Variants in RAPGEF6 observed in about 807,000 individuals in gnomAD.
RAPGEF6 encodes the protein Rap guanine nucleotide exchange factor 6.
In RAPGEF6, 56 loss-of-function variants were observed where a neutral mutation model predicts 171.4. The ratio of observed to expected loss-of-function variants is 0.33; its 90% CI spans 0.26 to 0.41. The LOEUF is 0.41. RAPGEF6 is among the 10% of genes least tolerant of loss of function. The pLI is 1.00. For synonymous variants in RAPGEF6, 692 were observed against 650.1 expected (o/e 1.06, Z -0.98); for missense variants, 1,674 against 1,921.4 (o/e 0.87, Z 2.41).
rs1393761246 is a variant in RAPGEF6 at position 131,427,116 on chromosome 5, G to A, written c.*150C>T. 4 of 748,524 alleles carry A rather than the reference G, an allele frequency of 5.3e-6. No homozygotes were observed. The highest frequency in any genetic ancestry group is 9.4e-6 in the Non-Finnish European group (4 of 427,298). The allele number at this position is 748,524 out of a possible 1,614,324, so 46.4% of individuals were successfully genotyped here. A position where few individuals can be genotyped will look rare whatever the true frequency, so the allele number is the denominator to read the frequency against. On this transcript the variant is annotated 3_prime_UTR_variant, in exon 28 of 28. Coordinates refer to ENST00000509018, the MANE Select transcript of RAPGEF6 (RefSeq NM_016340.6). ...TTAAATGAAAGGAAGCATAACTCAG[G>A]TCTATTTCATTGCTCGGAGTAGAGG...
At chr5:131,613,457 A>ATATG (rs778284291) in intron 1 of RAPGEF6, among the ~76,000 whole-genome samples, 3 of 151,694 alleles carry the variant, frequency 2.0e-5, no homozygotes, top group Non-Finnish European at 4.4e-5. Context: ...ATATATATAT[A>ATATG]TATGTATGTA....
intron 8 of RAPGEF6, among the ~76,000 whole-genome samples, chr5:131,509,662 G>C (rs1019852430): frequency 7.2e-5 from 11 of 152,136 alleles, no homozygotes; most frequent in African/African-American, 2.7e-4. Flanking sequence ...ACTGAACATT[G>C]TACTATGCTT....
intron 1 of RAPGEF6, among the ~76,000 whole-genome samples, chr5:131,607,450 C>G (rs1012754515): frequency 2.0e-5 from 3 of 152,196 alleles, no homozygotes; most frequent in Non-Finnish European, 4.4e-5. Flanking sequence ...TGTGGTGTTA[C>G]TTTCCATTAC....
At chr5:131,616,422 C>T (rs1275031623) in intron 1 of RAPGEF6, among the ~76,000 whole-genome samples, 1 of 152,100 alleles carries the variant, frequency 6.6e-6, no homozygotes, top group African/African-American at 2.4e-5. Context: ...ATTTTTTCCC[C>T]TTCCTTAGTT....
At chr5:131,622,058 C>A (rs1765624567) in intron 1 of RAPGEF6, among the ~76,000 whole-genome samples, 2 of 152,132 alleles carry the variant, frequency 1.3e-5, no homozygotes, top group South Asian at 4.1e-4. Flanking sequence ...ATTTACCGCA[C>A]AAATGTTCAT....
chr5:131,627,878 A>G (rs1766038952), intron 1 of RAPGEF6, among the ~76,000 whole-genome samples: 1 of 152,176 alleles, frequency 6.6e-6, no homozygotes, highest in Admixed American at 6.5e-5. Flanking sequence ...TATATTTGCT[A>G]TGGTGGCCTG....
intron 5 of RAPGEF6, among the ~76,000 whole-genome samples, chr5:131,552,590 AGCTGG>A (rs1269472352): frequency 6.6e-6 from 1 of 151,590 alleles, no homozygotes; most frequent in Non-Finnish European, 1.5e-5. Context: ...CCTCCCAAGT[AGCTGG>A]GATTACAGGC....
chr5:131,520,360 A>T (rs1381187466), intron 7 of RAPGEF6, among the ~76,000 whole-genome samples: 1 of 152,240 alleles, frequency 6.6e-6, no homozygotes, highest in African/African-American at 2.4e-5. Context: ...AATATGCAAA[A>T]GTAATGTAAG....
chr5:131,436,607 C>T (rs2149809214), intron 24 of RAPGEF6, among the ~76,000 whole-genome samples: 1 of 139,484 alleles, frequency 7.2e-6, no homozygotes, highest in East Asian at 2.2e-4. Flanking sequence ...TCAGCACAAG[C>T]TGGTGATAAA....
chr5:131,556,469 T>C (rs777381647), intron 5 of RAPGEF6, among the ~76,000 whole-genome samples: 1 of 152,138 alleles, frequency 6.6e-6, no homozygotes, highest in Non-Finnish European at 1.5e-5. Flanking sequence ...AACTGGCTCC[T>C]AGTAACACCA....
chr5:131,590,381 C>T lies in RAPGEF6; in HGVS notation c.281+2002G>A, dbSNP rs546727793. On this transcript the variant is annotated intron_variant, in intron 4 of 27. Transcript: ENST00000509018. ...CACTGCCCTCCAGCCTGGGCAACAG[C>T]GACTCTGTCTCAAATTTAAAAAATC... 4.9e-4 allele frequency among the ~76,000 whole-genome samples: 75 copies of T among 152,040 alleles called. 1 individual carries two copies. The highest frequency in any genetic ancestry group is 1.8e-4 in the Non-Finnish European group (12 of 68,014).
At chr5:131,618,054 A>G (rs773573173) in intron 1 of RAPGEF6, among the ~76,000 whole-genome samples, 2 of 152,232 alleles carry the variant, frequency 1.3e-5, no homozygotes, top group Non-Finnish European at 2.9e-5. Context: ...GGCTGACTTC[A>G]GTACTAGAGC....
intron 3 of RAPGEF6, among the ~76,000 whole-genome samples, chr5:131,592,982 T>A (rs1338151587): frequency 6.6e-6 from 1 of 152,190 alleles, no homozygotes; most frequent in African/African-American, 2.4e-5. Flanking sequence ...AGATAATACC[T>A]GTAATAGGTA....
intron 11 of RAPGEF6, 66 bp downstream of exon 11, chr5:131,504,560 A>G: frequency 6.9e-7 from 1 of 1,457,828 alleles, no homozygotes; most frequent in Non-Finnish European, 9.2e-7. Flanking sequence ...AAATGGTTTA[A>G]AACAAGATGA....
Position 131,461,986 on chromosome 5 carries a change from G to T in RAPGEF6, c.2583C>A (p.Thr861=). The change falls in exon 19 of 28, where the codon ACC becomes ACA. Residue 861 remains threonine (T), a synonymous_variant. Transcript: ENST00000509018. The stretch of plus-strand genomic sequence containing the variant: ...TTGACAGCTGGGTGGCCACCTCAAT[G>T]GTACTGAGCTGCAGCATGGATAGCT... ...ESQLSMLQLS[T]IEVATQLSMR... 1.3e-5 allele frequency: 21 copies of T among 1,614,118 alleles called. No individual in the cohort carries two copies. Among genetic ancestry groups the T allele is most frequent in the Non-Finnish European group, 1.8e-5 (21 of 1,179,998 alleles).
chr5:131,464,174 C>G lies in RAPGEF6; in HGVS notation c.2347G>C (p.Glu783Gln). Residue 783 changes from glutamate to glutamine, a missense_variant, in exon 18 of 28, where the codon GAA becomes CAA. Transcript: ENST00000509018. ...TCGGATGCACCGGTCAAACCAAATT[C>G]ATGAACAGCATGAAAAACTACTTCT... ...AKEVVFHAVH[E>Q]FGLTGASDTY... 1 of 1,613,930 alleles carries G rather than the reference C, an allele frequency of 6.2e-7. No homozygotes were observed. Among genetic ancestry groups the G allele is most frequent in the Non-Finnish European group, 8.5e-7 (1 of 1,179,902 alleles).
rs1751379461 is a variant in RAPGEF6, at chr5:131,425,983, T to A, written c.*1283A>T. 6.8e-6 allele frequency: 1 copy of A among 147,722 alleles called. No individual in the cohort carries two copies. Among genetic ancestry groups the A allele is most frequent in the South Asian group, 2.1e-4 (1 of 4,756 alleles). 9.2% of individuals were successfully genotyped at this position (147,722 alleles called of 1,614,324 possible). On this transcript the variant is annotated 3_prime_UTR_variant, in exon 28 of 28. Transcript: ENST00000509018. ...CTGAAAAAATTAAACTTAATATATA[T>A]AAAATATATTTAATTTGCAAAAATG...
At chr5:131,571,584 A>T (rs1462494606) in intron 4 of RAPGEF6, among the ~76,000 whole-genome samples, 6 of 152,230 alleles carry the variant, frequency 3.9e-5, no homozygotes, top group Non-Finnish European at 7.3e-5. Context: ...AAATAAATGG[A>T]GTGATGTACC....
At chr5:131,445,491 C>CTGTGTGTGTGTG (rs1447178128) in intron 22 of RAPGEF6, among the ~76,000 whole-genome samples, 4 of 80,812 alleles carry the variant, frequency 4.9e-5, no homozygotes, top group African/African-American at 3.4e-4. Flanking sequence ...TTAACTCACT[C>CTGTGTGTGTGTG]TCTGTGTGTG....
Sources: allele counts gnomAD v4.1 joint callset (sites outside exome capture counted in the v4.1 genomes callset), GRCh38; gene constraint gnomAD v4.1.1; transcripts MANE v1.5; gene names NCBI Gene and HGNC (gene_info 2026-07-23, HGNC 2026-07-21).